The following CLDN2 variants were observed in gnomAD, a reference collection of about 807,000 sequenced individuals.
The protein encoded by CLDN2 is claudin 2, also known as claudin-2.
Under a neutral mutation model 8.2 loss-of-function variants are expected in CLDN2, and 1 was observed. The observed-to-expected ratio is 0.12, with a 90% CI of 0.04 to 0.58. The LOEUF (loss-of-function observed/expected upper bound fraction) is 0.58, where lower values mean the gene tolerates loss of function less well. CLDN2 is among the 20% of genes least tolerant of loss of function. The pLI, the probability that CLDN2 is intolerant of heterozygous loss-of-function variation, is 0.90. For synonymous variants in CLDN2, 70 were observed against 70.2 expected (o/e 1.00, Z 0.01); for missense variants, 108 against 172.9 (o/e 0.62, Z 2.11).
chrX:106,930,093 C>T lies in CLDN2; in HGVS notation c.*1172C>T, dbSNP rs1249886275. On this transcript the variant is annotated 3_prime_UTR_variant, in exon 2 of 2. Transcript: ENST00000336803. ...GAGATCAGGCCCCCCCAGGGTCCAC[C>T]CACAGAGCACTACAGAGCCTCTGAA... is the stretch of plus-strand genomic sequence containing the variant. 8.1e-6 allele frequency: 1 copy of T among 123,124 alleles called. No homozygotes were observed. Among genetic ancestry groups the T allele is most frequent in the Non-Finnish European group, 1.9e-5 (1 of 53,215 alleles). 10.1% of individuals were successfully genotyped at this position (123,124 alleles called of 1,213,427 possible). A position where few individuals can be genotyped will look rare whatever the true frequency, so the allele number is the denominator to read the frequency against.
chrX:106,915,042 C>A (rs767541009), upstream of CLDN2, among the ~76,000 whole-genome samples: 4 of 112,127 alleles, frequency 3.6e-5, no homozygotes, highest in South Asian at 7.4e-4. Context: ...CAACTCCTGG[C>A]AACCACTAAT....
At chrX:106,900,551 A>G in intron 1 of CLDN2, 6 of 749,427 alleles carry the variant, frequency 8.0e-6, no homozygotes, top group Non-Finnish European at 1.1e-5. Context: ...TTTTCAGTCC[A>G]GAAAGCTCTA....
In CLDN2 at chrX:106,928,483, G is replaced by A. The variant is rs199729528; in HGVS notation, c.255G>A (p.Val85=). 5 of 1,210,055 alleles carry A rather than the reference G, an allele frequency of 4.1e-6. No homozygotes were observed. Among genetic ancestry groups the A allele is most frequent in the Non-Finnish European group, 4.5e-6 (4 of 895,237 alleles). The change falls in exon 2 of 2, where the codon GTG becomes GTA. Residue 85 remains valine (V), a synonymous_variant. Transcript: ENST00000336803. ...ADIQAAQAMM[V]TSSAISSLAC... Reference sequence around the variant, plus strand: ...TCCAGGCTGCCCAGGCCATGATGGTGACATCCAGTGCAATCTCCTCCCTGG... The same window carrying A: ...TCCAGGCTGCCCAGGCCATGATGGTAACATCCAGTGCAATCTCCTCCCTGG...
At chrX:106,905,456 C>A (rs1473752291) in intron 1 of CLDN2, among the ~76,000 whole-genome samples, 1 of 111,737 alleles carries the variant, frequency 8.9e-6, no homozygotes, top group Non-Finnish European at 1.9e-5. Flanking sequence ...GCTGGGGAGC[C>A]AGAGCATCTA....
upstream of CLDN2, among the ~76,000 whole-genome samples, chrX:106,917,192 G>A (rs181266433): frequency 2.2e-3 from 247 of 112,564 alleles, no homozygotes; most frequent in Non-Finnish European, 3.7e-3. Flanking sequence ...GAGGATAAAT[G>A]AGACTTCCCA....
chrX:106,909,933 C>G (rs1367579800), intron 1 of CLDN2, among the ~76,000 whole-genome samples: 1 of 111,005 alleles, frequency 9.0e-6, no homozygotes, highest in Admixed American at 9.6e-5. Context: ...CTGCAGAAGC[C>G]TAGAAAAACA....
intron 1 of CLDN2, among the ~76,000 whole-genome samples, chrX:106,905,546 G>A (rs931348135): frequency 1.8e-5 from 2 of 111,808 alleles, no homozygotes; most frequent in African/African-American, 6.5e-5. Context: ...TGGCTGAAAG[G>A]AGGAGTGTGG....
chrX:106,928,773 G>C lies in CLDN2; in HGVS notation c.545G>C (p.Cys182Ser). 2 of 1,211,122 alleles carry C rather than the reference G, an allele frequency of 1.7e-6. No individual in the cohort carries two copies. The highest frequency in any genetic ancestry group is 2.2e-6 in the Non-Finnish European group (2 of 895,336). ...LFSLIAGIIL[C>S]FSCSSQRNRS... ...TCCCTGATAGCTGGAATCATCCTCT[G>C]CTTTTCCTGCTCATCCCAGAGAAAT... The change falls in exon 2 of 2, where the codon TGC becomes TCC. Residue 182 changes from cysteine to serine, a missense_variant. Physicochemically the swap from Cys to Ser is moderately radical, Grantham distance 112. Coordinates refer to ENST00000336803, the MANE Select transcript of CLDN2 (RefSeq NM_020384.4).
At chrX:106,915,231 G>A (rs1010401411), upstream of CLDN2, among the ~76,000 whole-genome samples, 2 of 112,219 alleles carry the variant, frequency 1.8e-5, no homozygotes, top group Admixed American at 9.4e-5. Flanking sequence ...CCATTACACA[G>A]ATGTACCAGT....
intron 1 of CLDN2, among the ~76,000 whole-genome samples, chrX:106,925,863 G>A (rs1447647942): frequency 8.9e-6 from 1 of 111,819 alleles, no homozygotes; most frequent in Non-Finnish European, 1.9e-5. Context: ...AAAATTAGCT[G>A]GGCGTGGTGG....
At chrX:106,918,907 T>C (rs1170846545), upstream of CLDN2, among the ~76,000 whole-genome samples, 1 of 112,419 alleles carries the variant, frequency 8.9e-6, no homozygotes, top group Non-Finnish European at 1.9e-5. Flanking sequence ...ATGGCTGTCT[T>C]ATTTTTGTAA....
At chrX:106,904,543 T>C (rs1464785575) in intron 1 of CLDN2, among the ~76,000 whole-genome samples, 1 of 112,232 alleles carries the variant, frequency 8.9e-6, no homozygotes, top group Non-Finnish European at 1.9e-5. Context: ...AATCATGTTC[T>C]GGGAAGTATA....
In CLDN2 at chrX:106,928,165, G is replaced by A; in HGVS notation, c.-64G>A. 2 of 872,441 alleles carry A rather than the reference G, an allele frequency of 2.3e-6. No individual in the cohort carries two copies. The highest frequency in any genetic ancestry group is 6.2e-5 in the East Asian group (2 of 32,089). The allele number at this position is 872,441 out of a possible 1,213,427, so 71.9% of individuals were successfully genotyped here. On this transcript the variant is annotated 5_prime_UTR_variant, in exon 2 of 2. Transcript: ENST00000336803. Reference sequence around the variant, plus strand: ...ATGAGGGATTAGAGGTGTTCAAGGAGCAAGAGCTTCAGCCTGAAGACAAGG... The same window carrying A: ...ATGAGGGATTAGAGGTGTTCAAGGAACAAGAGCTTCAGCCTGAAGACAAGG...
chrX:106,903,330 C>A (rs778466499), intron 1 of CLDN2: 2 of 1,138,349 alleles, frequency 1.8e-6, no homozygotes, highest in African/African-American at 3.6e-5. Context: ...CTTCCCAGAA[C>A]CTTCTGCACT....
chrX:106,919,460 T>G (rs1267713645), upstream of CLDN2, among the ~76,000 whole-genome samples: 2 of 111,491 alleles, frequency 1.8e-5, no homozygotes, highest in Non-Finnish European at 3.8e-5. Flanking sequence ...TGGTTTTATT[T>G]CTGTTGTTGT....
At chrX:106,927,968 C>A in intron 1 of CLDN2, 83 bp from the exon 2 acceptor site, 4 of 262,237 alleles carry the variant, frequency 1.5e-5, no homozygotes, top group African/African-American at 2.8e-5. Context: ...CTAAAGATAA[C>A]AAAGGTCAAA....
At chrX:106,909,501 C>T (rs770066904) in intron 1 of CLDN2, among the ~76,000 whole-genome samples, 102 of 112,012 alleles carry the variant, frequency 9.1e-4, no homozygotes, top group Non-Finnish European at 1.5e-3. Context: ...CAGAAAGGAG[C>T]TCTTCCTCTT....
intron 1 of CLDN2, among the ~76,000 whole-genome samples, chrX:106,923,163 C>T (rs1020234088): frequency 9.0e-6 from 1 of 110,953 alleles, no homozygotes; most frequent in African/African-American, 3.3e-5. Context: ...TTCGTAGAGA[C>T]GGGGTTTCAC....
upstream of CLDN2, among the ~76,000 whole-genome samples, chrX:106,915,044 A>T (rs1933294853): frequency 8.9e-6 from 1 of 112,157 alleles, no homozygotes; most frequent in African/African-American, 3.2e-5. Context: ...ACTCCTGGCA[A>T]CCACTAATCT....
Sources: allele counts gnomAD v4.1 joint callset (sites outside exome capture counted in the v4.1 genomes callset), GRCh38; gene constraint gnomAD v4.1.1; transcripts MANE v1.5; gene names NCBI Gene and HGNC (gene_info 2026-07-23, HGNC 2026-07-21).